The following AGMO variants were observed in gnomAD, a reference collection of about 807,000 sequenced individuals.
AGMO encodes the protein glyceryl-ether monooxygenase.
AGMO carries 75 observed loss-of-function variants against 60.2 expected under a neutral mutation model. The ratio of observed to expected loss-of-function variants is 1.25; its 90% CI spans 1.03 to 1.51. AGMO has a LOEUF of 1.51. Ranked by LOEUF, AGMO falls within the 40% of genes most tolerant of loss-of-function variation. The probability of loss-of-function intolerance (pLI) is 0.00; values close to 1 mark genes in which losing one functional copy is unlikely to be tolerated. For missense variants in AGMO, 763 were observed against 525.5 expected (o/e 1.45, Z -4.42); for synonymous variants, 261 against 177.1 (o/e 1.47, Z -3.76).
chr7:15,131,757 A>AACACACACAC, the AGMO span, among the ~76,000 whole-genome samples: 577 of 146,358 alleles, frequency 3.9e-3, 4 homozygotes, highest in Admixed American at 7.9e-3. Flanking sequence ...CAAAGAAATT[A>AACACACACAC]ACACACACAC....
At chr7:15,226,188 T>C (rs1171965443) in intron 12 of AGMO, among the ~76,000 whole-genome samples, 1 of 152,178 alleles carries the variant, frequency 6.6e-6, no homozygotes, top group Admixed American at 6.6e-5. Context: ...AGCAGAACTT[T>C]GAACTCTATG....
intron 3 of AGMO, among the ~76,000 whole-genome samples, chr7:15,498,325 G>A (rs1783289441): frequency 6.6e-6 from 1 of 152,012 alleles, no homozygotes; most frequent in Non-Finnish European, 1.5e-5. Flanking sequence ...AGTTAGTGGG[G>A]ATATTTAGTA....
chr7:15,139,688 T>G, the AGMO span, among the ~76,000 whole-genome samples: 93 of 152,092 alleles, frequency 6.1e-4, no homozygotes, highest in Admixed American at 1.8e-3. Flanking sequence ...CATATTGAAA[T>G]AGAATTGCTG....
intron 12 of AGMO, among the ~76,000 whole-genome samples, chr7:15,289,640 G>C (rs959461614): frequency 6.6e-6 from 1 of 151,850 alleles, no homozygotes; most frequent in Non-Finnish European, 1.5e-5. Flanking sequence ...TTTATCTATG[G>C]AATATTCAGT....
At chr7:15,235,652 A>C (rs995285728) in intron 12 of AGMO, among the ~76,000 whole-genome samples, 1 of 152,134 alleles carries the variant, frequency 6.6e-6, no homozygotes. Flanking sequence ...AATAGATCCT[A>C]AAGAAAGAAA....
intron 12 of AGMO, among the ~76,000 whole-genome samples, chr7:15,259,899 CAAAAAAAAAAAA>C (rs71549927): frequency 1.1e-4 from 1 of 9,398 alleles, no homozygotes; most frequent in Non-Finnish European, 1.7e-4. Context: ...ACAAGAACTG[CAAAAAAAAAAAA>C]AAAAAAAAAA....
At position 15,505,117 on chromosome 7, in the gene AGMO, C is replaced by T. The variant is rs543133849; in HGVS notation, c.409+39655G>A. ...TAATCTGTACCTCTGATTTTATCCACGTTTCAAGTCAAATCATCTATTGCC... is the reference window on the plus strand; with the variant it reads ...TAATCTGTACCTCTGATTTTATCCATGTTTCAAGTCAAATCATCTATTGCC... On this transcript the variant is annotated intron_variant, in intron 3 of 12. Transcript: ENST00000342526. Among the ~76,000 whole-genome samples, 25 of 149,532 alleles carry T rather than the reference C, an allele frequency of 1.7e-4. 1 individual carries two copies. The South Asian group carries it at 3.3e-3, about 20-fold the overall frequency.
At chr7:15,272,520 A>C (rs185327482) in intron 12 of AGMO, among the ~76,000 whole-genome samples, 1 of 152,022 alleles carries the variant, frequency 6.6e-6, no homozygotes, top group African/African-American at 2.4e-5. Context: ...TTCTTAATCC[A>C]GTCTATCATT....
chr7:15,271,871 C>T (rs1226858625), intron 12 of AGMO, among the ~76,000 whole-genome samples: 1 of 152,006 alleles, frequency 6.6e-6, no homozygotes, highest in Non-Finnish European at 1.5e-5. Flanking sequence ...GGGTTTTTAA[C>T]AAAAAGGATG....
At chr7:15,253,571 G>C (rs149618046) in intron 12 of AGMO, among the ~76,000 whole-genome samples, 26 of 152,158 alleles carry the variant, frequency 1.7e-4, no homozygotes, top group Non-Finnish European at 2.6e-4. Flanking sequence ...TTTTAAAATG[G>C]ACACATAATG....
rs1240567266 is a variant in AGMO at position 15,288,861 on chromosome 7, A to AT, written c.1263+76652_1263+76653insA. ...TAAAAAAATAAAAAATAAAAAAAAAAAAAATATATATACACTCTTATCTCT... is the reference window on the plus strand; with the variant it reads ...TAAAAAAATAAAAAATAAAAAAAAAATAAAATATATATACACTCTTATCTCT... On this transcript the variant is annotated intron_variant, in intron 12 of 12. Transcript: ENST00000342526. Among the ~76,000 whole-genome samples the AT allele has an allele frequency of 1.5e-3, 221 of 147,388 alleles. 1 individual carries two copies. Among genetic ancestry groups the AT allele is most frequent in the African/African-American group, 5.2e-3 (199 of 38,410 alleles).
chr7:15,485,156 A>AAAG (rs1235685579), intron 3 of AGMO, among the ~76,000 whole-genome samples: 1 of 150,662 alleles, frequency 6.6e-6, no homozygotes. Flanking sequence ...AAAAAAAAAA[A>AAAG]AAAAGAAAAA....
rs778045916 is a variant in AGMO at position 15,365,618 on chromosome 7, G to A, written c.1159C>T (p.Pro387Ser). ...AGAGTTTCCATAATAGCTGCCTTGG[G>A]TCTGAAATAAAATGTCATTAACATG... ...TSIGFLLDQRPKAAIMETLRC... is the reference protein window; with the variant it reads ...TSIGFLLDQRSKAAIMETLRC... Residue 387 changes from proline to serine, a missense_variant and splice_region_variant, in exon 12 of 13, where the codon CCC becomes TCC. Coordinates refer to ENST00000342526, the MANE Select transcript of AGMO (RefSeq NM_001004320.2). 9 of 1,608,950 alleles carry A rather than the reference G, an allele frequency of 5.6e-6. No individual in the cohort carries two copies. The highest frequency in any genetic ancestry group is 5.4e-5 in the African/African-American group (4 of 74,654).
At chr7:15,248,212 A>ATG (rs1554401273) in intron 12 of AGMO, among the ~76,000 whole-genome samples, 4 of 97,918 alleles carry the variant, frequency 4.1e-5, no homozygotes, top group Non-Finnish European at 6.0e-5. Context: ...ATATATATAT[A>ATG]TATATATATA....
At chr7:15,404,139 G>A (rs1784625552) in intron 5 of AGMO, among the ~76,000 whole-genome samples, 1 of 151,884 alleles carries the variant, frequency 6.6e-6, no homozygotes, top group Non-Finnish European at 1.5e-5. Context: ...GAGCTTCAGA[G>A]GGAGTAAATT....
intron 12 of AGMO, among the ~76,000 whole-genome samples, chr7:15,322,589 T>C (rs1686959701): frequency 2.7e-5 from 1 of 37,354 alleles, no homozygotes; most frequent in Non-Finnish European, 4.3e-5. Context: ...TATATAAATA[T>C]ATAAATATAT....
intron 3 of AGMO, among the ~76,000 whole-genome samples, chr7:15,471,372 T>G (rs1252586690): frequency 4.0e-5 from 6 of 151,842 alleles, no homozygotes; most frequent in African/African-American, 1.4e-4. Flanking sequence ...TTCAACATAA[T>G]AATTATGAGT....
intron 12 of AGMO, among the ~76,000 whole-genome samples, chr7:15,311,427 T>C (rs1225548686): frequency 6.6e-6 from 1 of 152,092 alleles, no homozygotes; most frequent in Non-Finnish European, 1.5e-5. Context: ...GATCCTATCC[T>C]ACCTTTCCAA....
At chr7:15,481,982 G>A (rs1428391710) in intron 3 of AGMO, among the ~76,000 whole-genome samples, 1 of 151,846 alleles carries the variant, frequency 6.6e-6, no homozygotes, top group East Asian at 1.9e-4. Flanking sequence ...AGAAATCACA[G>A]TAAAACATAA....
Sources: allele counts gnomAD v4.1 joint callset (sites outside exome capture counted in the v4.1 genomes callset), GRCh38; gene constraint gnomAD v4.1.1; transcripts MANE v1.5; gene names NCBI Gene and HGNC (gene_info 2026-07-23, HGNC 2026-07-21).